The following PLCG2 variants were observed in gnomAD, a reference collection of about 807,000 sequenced individuals.
PLCG2 encodes the protein 1-phosphatidylinositol 4,5-bisphosphate phosphodiesterase gamma-2.
In PLCG2, 69 loss-of-function variants were observed where a neutral mutation model predicts 175.6. That is an observed-to-expected ratio of 0.39 (90% CI 0.32 to 0.48). The LOEUF (loss-of-function observed/expected upper bound fraction) is 0.48, where lower values mean the gene tolerates loss of function less well. PLCG2 is among the 20% of genes least tolerant of loss of function. The pLI is 0.91. For missense variants in PLCG2, 1,798 were observed against 1,650.9 expected, an observed-to-expected ratio of 1.09 and a Z score of -1.54; for synonymous variants, 827 against 624.0, an observed-to-expected ratio of 1.33 and a Z score of -4.85.
intron 23 of PLCG2, among the ~76,000 whole-genome samples, chr16:81,927,438 G>A (rs1259581019): frequency 6.6e-6 from 1 of 152,200 alleles, no homozygotes; most frequent in East Asian, 1.9e-4. Flanking sequence ...AATTCCCGCT[G>A]GAGTGAAAGT....
chr16:81,925,452 C>CG (rs58621683), intron 22 of PLCG2, among the ~76,000 whole-genome samples: 4,826 of 151,974 alleles, frequency 0.032, 100 homozygotes, highest in Non-Finnish European at 0.047. Flanking sequence ...AGAAATGGTG[C>CG]GGGGGGGCGT....
At chr16:81,844,992 G>T (rs1906039114) in intron 2 of PLCG2, among the ~76,000 whole-genome samples, 1 of 152,202 alleles carries the variant, frequency 6.6e-6, no homozygotes, top group Admixed American at 6.5e-5. Flanking sequence ...GCAGAGTTGT[G>T]ATTACAGCTC....
rs534281811 is a variant in PLCG2 at position 81,943,668 on chromosome 16, C to G, written c.3482-2507C>G. ...AGAATCTGCATTTTAACAAGATTCA[C>G]AGGTGATTCACATTTGCATTAATGT... On this transcript the variant is annotated intron_variant, in intron 30 of 32. Transcript: ENST00000564138. 4.5e-4 allele frequency among the ~76,000 whole-genome samples: 68 copies of G among 152,318 alleles called. No individual in the cohort carries two copies. In the South Asian group the frequency reaches 0.013, roughly 30 times the overall value.
intron 2 of PLCG2, among the ~76,000 whole-genome samples, chr16:81,821,290 A>T (rs915159490): frequency 5.3e-5 from 8 of 152,256 alleles, no homozygotes; most frequent in African/African-American, 1.9e-4. Flanking sequence ...GCTAAATATC[A>T]TAGTAATAAT....
intron 2 of PLCG2, among the ~76,000 whole-genome samples, chr16:81,797,383 C>G (rs1033381812): frequency 6.6e-6 from 1 of 152,050 alleles, no homozygotes; most frequent in Non-Finnish European, 1.5e-5. Flanking sequence ...CTTGATTTGT[C>G]TTGGGAGAGA....
At chr16:81,898,732 T>C (rs916977624) in intron 13 of PLCG2, 2 of 152,188 alleles carry the variant, frequency 1.3e-5, no homozygotes, top group Non-Finnish European at 2.9e-5. Flanking sequence ...TTTGAGTATG[T>C]CTAATGATCA....
chr16:81,840,346 T>C (rs528333369), intron 2 of PLCG2, among the ~76,000 whole-genome samples: 3 of 152,324 alleles, frequency 2.0e-5, no homozygotes, highest in East Asian at 1.9e-4. Flanking sequence ...TTGTGGAAGA[T>C]AACTTTTCCA....
At chr16:81,743,389 C>G (rs1219457323) in intron 1 of PLCG2, among the ~76,000 whole-genome samples, 1 of 152,180 alleles carries the variant, frequency 6.6e-6, no homozygotes. Flanking sequence ...TGTGCTCTGT[C>G]TCTTGACTGG....
At chr16:81,843,727 A>G (rs769133508) in intron 2 of PLCG2, among the ~76,000 whole-genome samples, 6 of 152,228 alleles carry the variant, frequency 3.9e-5, no homozygotes, top group Non-Finnish European at 8.8e-5. Context: ...GGAAAAAACA[A>G]TGAAATGATC....
intron 2 of PLCG2, among the ~76,000 whole-genome samples, chr16:81,807,784 A>T (rs1360257116): frequency 1.3e-5 from 2 of 152,184 alleles, no homozygotes; most frequent in Non-Finnish European, 2.9e-5. Context: ...GGAAGCTTAC[A>T]ATCATGGTGG....
At chr16:81,878,194 C>G (rs540561189) in intron 7 of PLCG2, among the ~76,000 whole-genome samples, 34 of 151,774 alleles carry the variant, frequency 2.2e-4, no homozygotes, top group Non-Finnish European at 4.0e-4. Flanking sequence ...CTGTGTTAGC[C>G]AGGATGGTCT....
At chr16:81,956,370 G>C (rs890307084) in intron 31 of PLCG2, among the ~76,000 whole-genome samples, 4 of 152,112 alleles carry the variant, frequency 2.6e-5, no homozygotes, top group African/African-American at 4.8e-5. Context: ...GTCAGGTAAA[G>C]GCCAGAAGGT....
Position 81,854,516 on chromosome 16 carries a change from G to A in PLCG2, c.266G>A (p.Arg89His), listed in dbSNP as rs762900860. Reference sequence around the variant, plus strand: ...GATTTCGAGCGAGCAAAAGCAGTTCGCCAGAAAGAAGACTGCTGCTTCACC... The same window carrying A: ...GATTTCGAGCGAGCAAAAGCAGTTCACCAGAAAGAAGACTGCTGCTTCACC... ...SKDFERAKAV[R>H]QKEDCCFTIL... The change falls in exon 3 of 33, where the codon CGC becomes CAC. Residue 89 changes from arginine (R) to histidine (H), a missense_variant. Coordinates refer to ENST00000564138, the MANE Select transcript of PLCG2 (RefSeq NM_002661.5). The A allele has an allele frequency of 8.1e-6, 13 of 1,613,778 alleles. No individual in the cohort carries two copies. The highest frequency in any genetic ancestry group is 3.3e-5 in the South Asian group (3 of 91,076).
intron 2 of PLCG2, among the ~76,000 whole-genome samples, chr16:81,820,590 G>C (rs184696091): frequency 1.3e-5 from 2 of 150,636 alleles, no homozygotes; most frequent in East Asian, 2.0e-4. Flanking sequence ...GGGCATATCA[G>C]TTTTCCCCTC....
At chr16:81,885,866 G>A (rs11150424) in intron 9 of PLCG2, among the ~76,000 whole-genome samples, 18,861 of 152,192 alleles carry the variant, frequency 0.12, 1,785 homozygotes, top group East Asian at 0.38. Context: ...TAATCATCAT[G>A]CCTTCCTAGT....
At chr16:81,858,417 GC>G in intron 4 of PLCG2, 61 bp downstream of exon 4, 1 of 1,163,182 alleles carries the variant, frequency 8.6e-7, no homozygotes. Context: ...GCTGCCTTTA[GC>G]CAACATGGGC....
chr16:81,911,545 C>T (rs965360320), intron 18 of PLCG2, among the ~76,000 whole-genome samples: 3 of 152,056 alleles, frequency 2.0e-5, no homozygotes, highest in African/African-American at 7.2e-5. Flanking sequence ...TCAAGTGATC[C>T]TCCCACCTCA....
chr16:81,870,826 TGTG>T lies in PLCG2; in HGVS notation c.565-23_565-21del, dbSNP rs765854099. The T allele has an allele frequency of 2.9e-5, 38 of 1,305,150 alleles. No homozygotes were observed. The African/African-American group carries it at 3.5e-4, about 12-fold the overall frequency. The allele number at this position is 1,305,150 out of a possible 1,614,324, so 80.8% of individuals were successfully genotyped here. On this transcript the variant is annotated intron_variant, in intron 6 of 32. Coordinates refer to ENST00000564138, the MANE Select transcript of PLCG2 (RefSeq NM_002661.5). Reference sequence around the variant, plus strand: ...TTCTTACGGTGGACATCAAAAATCATGTGGTCACTTTTTTCATATTTACAGGAA... The same window carrying T: ...TTCTTACGGTGGACATCAAAAATCATGTCACTTTTTTCATATTTACAGGAA...
rs1308659713 is a variant in PLCG2, at chr16:81,895,211, A to C, written c.1073-596A>C. 3.9e-5 allele frequency among the ~76,000 whole-genome samples: 6 copies of C among 152,346 alleles called. No homozygotes were observed. In the East Asian group the frequency reaches 1.2e-3, roughly 29 times the overall value. ...ATTTCCACGGGCAGAAAAGGCAGTC[A>C]AGGTTTTCAACAGGTAAAGTCAGAA... On this transcript the variant is annotated intron_variant, in intron 12 of 32. Coordinates refer to ENST00000564138, the MANE Select transcript of PLCG2 (RefSeq NM_002661.5).
Sources: gnomAD v4.1 joint callset for allele counts (sites outside exome capture counted in the v4.1 genomes callset) on GRCh38, gnomAD v4.1.1 for gene constraint, MANE v1.5 for transcripts, NCBI Gene and HGNC (gene_info 2026-07-23, HGNC 2026-07-21) for gene names.